Variants in SPATA16 observed in about 807,000 individuals in gnomAD.
SPATA16 encodes spermatogenesis associated 16.
Under a neutral mutation model 63.3 loss-of-function variants are expected in SPATA16, and 36 were observed. The observed-to-expected ratio is 0.57, with a 90% CI of 0.44 to 0.75. SPATA16 has a LOEUF of 0.75. SPATA16 is among the 30% of genes least tolerant of loss of function. SPATA16 has a pLI of 0.00. For missense variants in SPATA16, 646 were observed against 679.3 expected (o/e 0.95, Z 0.54); for synonymous variants, 203 against 216.7 (o/e 0.94, Z 0.56).
chr3:173,061,693 C>T (rs1167454565), intron 2 of SPATA16, among the ~76,000 whole-genome samples: 1 of 152,144 alleles, frequency 6.6e-6, no homozygotes, highest in Non-Finnish European at 1.5e-5. Context: ...TGTAGAATAA[C>T]ACCCATTGGT....
intron 3 of SPATA16, among the ~76,000 whole-genome samples, chr3:173,034,480 G>T (rs924022542): frequency 2.0e-5 from 3 of 152,040 alleles, no homozygotes; most frequent in Admixed American, 2.0e-4. Flanking sequence ...ATAATTTTTT[G>T]ATTCGTGGAA....
intron 2 of SPATA16, among the ~76,000 whole-genome samples, chr3:173,102,327 A>C (rs959874362): frequency 6.6e-6 from 1 of 152,232 alleles, no homozygotes; most frequent in Admixed American, 6.5e-5. Context: ...TCATTCTTGC[A>C]TTGTTATAAA....
intron 5 of SPATA16, among the ~76,000 whole-genome samples, chr3:172,975,815 G>A (rs991497572): frequency 6.6e-6 from 1 of 151,824 alleles, no homozygotes; most frequent in Non-Finnish European, 1.5e-5. Context: ...CATGTGCATT[G>A]CTGGAAATTG....
chr3:173,131,154 GA>G (rs966171557), intron 1 of SPATA16, among the ~76,000 whole-genome samples: 39 of 151,868 alleles, frequency 2.6e-4, no homozygotes, highest in African/African-American at 8.9e-4. Context: ...GAACTGCTTG[GA>G]AAAAAAATTT....
At chr3:173,108,414 G>T (rs904402491) in intron 2 of SPATA16, among the ~76,000 whole-genome samples, 2 of 152,034 alleles carry the variant, frequency 1.3e-5, no homozygotes, top group African/African-American at 4.8e-5. Flanking sequence ...AGTCACATAT[G>T]GGTTAAAACC....
intron 3 of SPATA16, among the ~76,000 whole-genome samples, chr3:173,037,550 A>G (rs1318118152): frequency 6.6e-6 from 1 of 152,112 alleles, no homozygotes; most frequent in Non-Finnish European, 1.5e-5. Context: ...TGGTAATAAC[A>G]TAAGAACATT....
intron 2 of SPATA16, among the ~76,000 whole-genome samples, chr3:173,100,707 C>CAGAGAG (rs372027586): frequency 2.1e-5 from 3 of 143,808 alleles, no homozygotes; most frequent in African/African-American, 8.0e-5. Flanking sequence ...CACACACACA[C>CAGAGAG]AGAGTAAATT....
At chr3:172,979,192 G>C (rs538417867) in intron 4 of SPATA16, among the ~76,000 whole-genome samples, 2 of 152,000 alleles carry the variant, frequency 1.3e-5, no homozygotes, top group East Asian at 3.9e-4. Context: ...AGCCGAGATC[G>C]CGCCACTGCA....
At chr3:173,050,999 G>T (rs1736076685) in intron 2 of SPATA16, among the ~76,000 whole-genome samples, 1 of 152,154 alleles carries the variant, frequency 6.6e-6, no homozygotes. Context: ...TTTGAAGATG[G>T]CAATTTGAGA....
intron 1 of SPATA16, among the ~76,000 whole-genome samples, chr3:173,125,999 A>G (rs1028943180): frequency 5.9e-5 from 9 of 152,196 alleles, no homozygotes; most frequent in Non-Finnish European, 4.4e-5. Context: ...GCTTTTTACA[A>G]CTTGGCTTCA....
At chr3:172,967,610 G>A (rs1038854693) in intron 5 of SPATA16, among the ~76,000 whole-genome samples, 4 of 152,222 alleles carry the variant, frequency 2.6e-5, no homozygotes, top group Non-Finnish European at 5.9e-5. Flanking sequence ...CAGGAGGTGA[G>A]TGGCGGGCCA....
In SPATA16 at chr3:173,090,953, C is replaced by G. The variant is rs546446517; in HGVS notation, c.612+26167G>C. Among the ~76,000 whole-genome samples the G allele has an allele frequency of 4.8e-4, 73 of 152,248 alleles. 1 individual carries two copies. The South Asian group carries it at 0.015, about 32-fold the overall frequency. ...ACCTCTCTTTTTTGAATAAAGACTG[C>G]TAACTTTCCCTTGATCTGACATCTT... On this transcript the variant is annotated intron_variant, in intron 2 of 10. Transcript: ENST00000351008.
At chr3:173,099,052 TG>T (rs1172048500) in intron 2 of SPATA16, among the ~76,000 whole-genome samples, 2 of 152,156 alleles carry the variant, frequency 1.3e-5, no homozygotes, top group African/African-American at 4.8e-5. Flanking sequence ...CCATTGACTT[TG>T]TCATGGCTTG....
chr3:172,919,683 A>ATTT (rs377328006), intron 8 of SPATA16, among the ~76,000 whole-genome samples: 1 of 145,050 alleles, frequency 6.9e-6, no homozygotes, highest in African/African-American at 2.5e-5. Flanking sequence ...TTAATTCTTT[A>ATTT]TTTTTTTTTT....
intron 4 of SPATA16, among the ~76,000 whole-genome samples, chr3:173,001,404 G>A (rs1734825650): frequency 6.6e-6 from 1 of 151,988 alleles, no homozygotes; most frequent in Non-Finnish European, 1.5e-5. Flanking sequence ...TTTCTCCTGA[G>A]GGCAGGCCTT....
In SPATA16 at chr3:172,934,926, C is replaced by A. The variant is rs1577095601; in HGVS notation, c.1082-9434G>T. 2.6e-5 allele frequency among the ~76,000 whole-genome samples: 4 copies of A among 152,154 alleles called. No individual in the cohort carries two copies. The South Asian group carries it at 8.3e-4, about 32-fold the overall frequency. On this transcript the variant is annotated intron_variant, in intron 6 of 10. Transcript: ENST00000351008. ...TAATCTGTTTTATTCCTGTTAACCT[C>A]AGAAACAAAATAACTGTTTTTGACC...
intron 3 of SPATA16, among the ~76,000 whole-genome samples, chr3:173,033,915 G>A (rs976857643): frequency 6.6e-6 from 1 of 152,076 alleles, no homozygotes; most frequent in Non-Finnish European, 1.5e-5. Flanking sequence ...ATGTTGGCCA[G>A]GCTGATCTTG....
At chr3:173,139,788 C>G (rs934053959) in intron 1 of SPATA16, among the ~76,000 whole-genome samples, 1 of 152,142 alleles carries the variant, frequency 6.6e-6, no homozygotes, top group Non-Finnish European at 1.5e-5. Context: ...GACTTTGAGA[C>G]CAGCCTGGCC....
chr3:173,076,557 A>G (rs1208511000), intron 2 of SPATA16, among the ~76,000 whole-genome samples: 1 of 152,108 alleles, frequency 6.6e-6, no homozygotes, highest in Non-Finnish European at 1.5e-5. Flanking sequence ...TTTCACACCT[A>G]AAATTTTTAT....
Sources: gnomAD v4.1 joint callset for allele counts (sites outside exome capture counted in the v4.1 genomes callset) on GRCh38, gnomAD v4.1.1 for gene constraint, MANE v1.5 for transcripts, NCBI Gene and HGNC (gene_info 2026-07-23, HGNC 2026-07-21) for gene names.